CDK14: variants seen among roughly 807,000 people sequenced by gnomAD.
CDK14 encodes the protein cyclin dependent kinase 14, also known as cyclin-dependent kinase 14.
A neutral mutation model predicts 60.7 loss-of-function variants in CDK14; 34 were observed. The observed-to-expected ratio is 0.56, with a 90% CI of 0.43 to 0.75. The LOEUF is 0.75. Among genes scored for constraint, CDK14 ranks in the 30% least tolerant of loss-of-function variants. The pLI, the probability that CDK14 is intolerant of heterozygous loss-of-function variation, is 0.00. For synonymous variants in CDK14, 197 were observed against 203.7 expected (o/e 0.97, Z 0.28); for missense variants, 482 against 564.1 (o/e 0.85, Z 1.47).
chr7:90,806,240 T>C (rs1447865211), intron 5 of CDK14, among the ~76,000 whole-genome samples: 3 of 152,150 alleles, frequency 2.0e-5, no homozygotes, highest in Non-Finnish European at 2.9e-5. Flanking sequence ...ATTTCATAGA[T>C]ATGACAGCAA....
intron 6 of CDK14, among the ~76,000 whole-genome samples, chr7:90,881,322 C>T (rs58917773): frequency 1.3e-5 from 2 of 152,080 alleles, no homozygotes; most frequent in East Asian, 3.9e-4. Context: ...GCTGAATAGA[C>T]CAGGCAGAAA....
intron 4 of CDK14, among the ~76,000 whole-genome samples, chr7:90,751,392 G>T (rs544600230): frequency 6.6e-6 from 1 of 151,866 alleles, no homozygotes; most frequent in Non-Finnish European, 1.5e-5. Flanking sequence ...AATAAATCTC[G>T]GCCAAGAATT....
At chr7:91,045,468 A>G (rs1797205760) in intron 10 of CDK14, among the ~76,000 whole-genome samples, 1 of 152,204 alleles carries the variant, frequency 6.6e-6, no homozygotes, top group African/African-American at 2.4e-5. Context: ...TATGATGCTC[A>G]GACAGAGGAT....
chr7:90,642,179 C>T (rs1204549369), intron 2 of CDK14, among the ~76,000 whole-genome samples: 1 of 152,174 alleles, frequency 6.6e-6, no homozygotes, highest in Admixed American at 6.5e-5. Flanking sequence ...AATTATACCT[C>T]AAGCGGTTTA....
At chr7:90,702,315 AG>A (rs1471153597) in intron 2 of CDK14, among the ~76,000 whole-genome samples, 2 of 152,176 alleles carry the variant, frequency 1.3e-5, no homozygotes, top group Non-Finnish European at 2.9e-5. Flanking sequence ...AAAGGGTTGC[AG>A]AGTAGGTTAA....
intron 8 of CDK14, among the ~76,000 whole-genome samples, chr7:90,922,572 G>A (rs1403315209): frequency 6.6e-6 from 1 of 151,976 alleles, no homozygotes; most frequent in Non-Finnish European, 1.5e-5. Flanking sequence ...ATTTCCCTTT[G>A]ACACATTACT....
intron 6 of CDK14, among the ~76,000 whole-genome samples, chr7:90,895,304 T>G: frequency 5.0e-5 from 1 of 19,954 alleles, no homozygotes; most frequent in Admixed American, 8.1e-4. Context: ...ACTTTTCCCA[T>G]TCTTTCCTCT....
intron 14 of CDK14, among the ~76,000 whole-genome samples, chr7:91,175,212 T>A (rs1355131898): frequency 5.3e-5 from 8 of 151,198 alleles, no homozygotes; most frequent in Admixed American, 1.3e-4. Context: ...AAACTAAGCG[T>A]CATAAGTGAA....
At position 91,059,260 on chromosome 7, in the gene CDK14, A is replaced by T. The variant is rs561568476; in HGVS notation, c.1105+13300A>T. On this transcript the variant is annotated intron_variant, in intron 11 of 14. Coordinates refer to ENST00000380050, the MANE Select transcript of CDK14 (RefSeq NM_001287135.2). ...GGGATCGGTGGTGATATCCCCTTTA[A>T]CATTTTTTATTGCATCTATTTGATT... Among the ~76,000 whole-genome samples, 59 of 151,758 alleles carry T rather than the reference A, an allele frequency of 3.9e-4. 2 individuals carry two copies. In the East Asian group the frequency reaches 9.5e-3, roughly 24 times the overall value.
At chr7:90,665,392 A>G (rs1360526964) in intron 2 of CDK14, among the ~76,000 whole-genome samples, 1 of 152,208 alleles carries the variant, frequency 6.6e-6, no homozygotes, top group African/African-American at 2.4e-5. Context: ...TTCTGTGAAT[A>G]TAGTGGTGAA....
rs562616360 is a variant in CDK14, at chr7:90,739,525, A to T, written c.370-8156A>T. Among the ~76,000 whole-genome samples, 17 of 152,290 alleles carry T rather than the reference A, an allele frequency of 1.1e-4. No homozygotes were observed. In the South Asian group the frequency reaches 3.5e-3, roughly 32 times the overall value. On this transcript the variant is annotated intron_variant, in intron 3 of 14. Transcript: ENST00000380050. ...TTAACTCTTTTATACAAAACTATCTATGTAGAGTGAATATATCGTTTTTAG... is the reference window on the plus strand; with the variant it reads ...TTAACTCTTTTATACAAAACTATCTTTGTAGAGTGAATATATCGTTTTTAG...
intron 4 of CDK14, among the ~76,000 whole-genome samples, chr7:90,787,128 A>G (rs1267338201): frequency 6.6e-6 from 1 of 152,098 alleles, no homozygotes; most frequent in African/African-American, 2.4e-5. Flanking sequence ...AAGAAAGGAG[A>G]AAGTCACAAT....
At chr7:91,017,894 G>A (rs1179539846) in intron 10 of CDK14, among the ~76,000 whole-genome samples, 1 of 152,162 alleles carries the variant, frequency 6.6e-6, no homozygotes, top group Non-Finnish European at 1.5e-5. Flanking sequence ...AAAATGGGCT[G>A]CAAACCAGCT....
chr7:91,012,584 A>G (rs1160934918), intron 10 of CDK14, among the ~76,000 whole-genome samples: 1 of 152,170 alleles, frequency 6.6e-6, no homozygotes, highest in Non-Finnish European at 1.5e-5. Context: ...GCAATCATAG[A>G]TTCAACTTGT....
chr7:90,617,133 AG>A (rs1249235534), intron 2 of CDK14, among the ~76,000 whole-genome samples: 1 of 152,196 alleles, frequency 6.6e-6, no homozygotes, highest in Admixed American at 6.5e-5. Context: ...TTGTATGTAG[AG>A]TATGATCTCG....
intron 2 of CDK14, among the ~76,000 whole-genome samples, chr7:90,703,024 T>G (rs1249067407): frequency 2.6e-5 from 4 of 151,670 alleles, no homozygotes; most frequent in African/African-American, 7.3e-5. Flanking sequence ...GTTTTGTTTT[T>G]TTTTTCCTTT....
At chr7:90,600,090 A>G (rs941528890) in intron 1 of CDK14, among the ~76,000 whole-genome samples, 12 of 152,206 alleles carry the variant, frequency 7.9e-5, no homozygotes, top group Admixed American at 6.5e-5. Flanking sequence ...GGGAATGACT[A>G]TGATATAGTT....
At chr7:90,749,471 C>T (rs1156421940) in intron 4 of CDK14, among the ~76,000 whole-genome samples, 3 of 151,336 alleles carry the variant, frequency 2.0e-5, no homozygotes, top group Non-Finnish European at 4.4e-5. Context: ...TCACTTTGTT[C>T]AGCATCCTGA....
intron 2 of CDK14, among the ~76,000 whole-genome samples, chr7:90,640,470 A>G (rs1800299266): frequency 6.6e-6 from 1 of 152,110 alleles, no homozygotes; most frequent in Non-Finnish European, 1.5e-5. Flanking sequence ...TCGGTAAAAG[A>G]CTTTAAGCAT....
Sources: gnomAD v4.1 joint callset for allele counts (sites outside exome capture counted in the v4.1 genomes callset) on GRCh38, gnomAD v4.1.1 for gene constraint, MANE v1.5 for transcripts, NCBI Gene and HGNC (gene_info 2026-07-23, HGNC 2026-07-21) for gene names.